ADARB2: variants seen among roughly 807,000 people sequenced by gnomAD.
ADARB2 encodes adenosine deaminase RNA specific B2 (inactive), also known as inactive double-stranded RNA-specific editase B2.
In ADARB2, 25 loss-of-function variants were observed where a neutral mutation model predicts 62.2. The ratio of observed to expected loss-of-function variants is 0.40; its 90% CI spans 0.29 to 0.56. The LOEUF is 0.56. Ranked by LOEUF, ADARB2 falls within the 20% of genes least tolerant of loss-of-function variation. ADARB2 has a pLI of 0.43. For missense variants in ADARB2, 1,071 were observed against 1,077.4 expected, an observed-to-expected ratio of 0.99 and a Z score of 0.08; for synonymous variants, 572 against 500.8, an observed-to-expected ratio of 1.14 and a Z score of -1.90.
At chr10:1,536,274 ACAGAAAGCG>A (rs1338050699) in intron 1 of ADARB2, among the ~76,000 whole-genome samples, 2 of 152,240 alleles carry the variant, frequency 1.3e-5, no homozygotes, top group African/African-American at 2.4e-5. Flanking sequence ...ACACGAGGAC[ACAGAAAGCG>A]CCATCTACAA....
chr10:1,400,286 G>A (rs530800230), intron 1 of ADARB2, among the ~76,000 whole-genome samples: 1 of 152,300 alleles, frequency 6.6e-6, no homozygotes, highest in African/African-American at 2.4e-5. Context: ...CCCTGAGTCC[G>A]AGTCCGGGCA....
intron 1 of ADARB2, among the ~76,000 whole-genome samples, chr10:1,414,930 G>GTGGA: frequency 6.6e-6 from 1 of 152,292 alleles, no homozygotes; most frequent in South Asian, 2.1e-4. Context: ...GGATAGATAG[G>GTGGA]TGGATGGATG....
intron 1 of ADARB2, among the ~76,000 whole-genome samples, chr10:1,714,959 G>A (rs1050500552): frequency 1.8e-4 from 28 of 151,896 alleles, no homozygotes; most frequent in African/African-American, 6.5e-4. Context: ...CCATTAACTG[G>A]TCATTTAGCA....
intron 1 of ADARB2, chr10:1,675,103 A>T: frequency 1.0e-6 from 1 of 981,136 alleles, no homozygotes; most frequent in Non-Finnish European, 1.2e-6. Flanking sequence ...GATGTTCTGG[A>T]GGTTTGGGTT....
At chr10:1,218,799 C>T (rs1360779900) in intron 6 of ADARB2, among the ~76,000 whole-genome samples, 3 of 151,926 alleles carry the variant, frequency 2.0e-5, no homozygotes, top group African/African-American at 2.4e-5. Flanking sequence ...AATCCCAGCA[C>T]TTTGGGAGGC....
intron 3 of ADARB2, among the ~76,000 whole-genome samples, chr10:1,344,502 A>T (rs1318684647): frequency 1.3e-5 from 2 of 152,236 alleles, no homozygotes; most frequent in Admixed American, 1.3e-4. Flanking sequence ...GTCACAAAGC[A>T]TAAATGGGCG....
intron 1 of ADARB2, among the ~76,000 whole-genome samples, chr10:1,605,535 T>TA (rs1833484559): frequency 6.6e-6 from 1 of 152,254 alleles, no homozygotes; most frequent in African/African-American, 2.4e-5. Context: ...CTTGCACTTA[T>TA]AATTCTACTT....
intron 3 of ADARB2, among the ~76,000 whole-genome samples, chr10:1,312,677 C>T (rs1037314605): frequency 2.0e-5 from 3 of 152,170 alleles, no homozygotes; most frequent in Non-Finnish European, 4.4e-5. Flanking sequence ...AGGAAAAAGA[C>T]GCAGGGAGGT....
intron 1 of ADARB2, among the ~76,000 whole-genome samples, chr10:1,564,447 AG>A (rs1832829863): frequency 6.6e-6 from 1 of 152,212 alleles, no homozygotes; most frequent in Admixed American, 6.5e-5. Flanking sequence ...GCACAGCAAA[AG>A]AAACTACCAT....
At position 1,637,104 on chromosome 10, in the gene ADARB2, A is replaced by G. The variant is rs114642807; in HGVS notation, c.100+99947T>C. On this transcript the variant is annotated intron_variant, in intron 1 of 9. Coordinates refer to ENST00000381312, the MANE Select transcript of ADARB2 (RefSeq NM_018702.4). ...CAGAATTAAAGGTGTCCGCAACACA[A>G]CAGATGTAGACACACTGAAGGAATA... Among the ~76,000 whole-genome samples, 1,374 of 152,268 alleles carry G rather than the reference A, an allele frequency of 9.0e-3. 8 individuals are homozygous for G. The highest frequency in any genetic ancestry group is 0.037 in the Middle Eastern group (11 of 294).
intron 7 of ADARB2, among the ~76,000 whole-genome samples, chr10:1,206,275 G>T (rs148145748): frequency 6.6e-6 from 1 of 152,280 alleles, no homozygotes; most frequent in Admixed American, 6.5e-5. Flanking sequence ...TCCTTAAGCC[G>T]GCTACCTGCG....
intron 3 of ADARB2, among the ~76,000 whole-genome samples, chr10:1,299,653 G>T (rs1258253643): frequency 8.5e-5 from 13 of 152,156 alleles, no homozygotes; most frequent in African/African-American, 3.1e-4. Context: ...TGCACGGCTT[G>T]GTGCAGCAGC....
In ADARB2 at chr10:1,369,108, T is replaced by A. The variant is rs959743939; in HGVS notation, c.188-5191A>T. Among the ~76,000 whole-genome samples, 5 of 152,270 alleles carry A rather than the reference T, an allele frequency of 3.3e-5. No individual in the cohort carries two copies. The East Asian group carries it at 5.8e-4, about 18-fold the overall frequency. Reference sequence around the variant, plus strand: ...TTTAACGCCGACTTTACAAATTAACTTTTTTTCCTTCCACACGGAAGGTAT... The same window carrying A: ...TTTAACGCCGACTTTACAAATTAACATTTTTTCCTTCCACACGGAAGGTAT... On this transcript the variant is annotated intron_variant, in intron 2 of 9. Transcript: ENST00000381312.
At chr10:1,481,901 CA>C (rs1453451255) in intron 1 of ADARB2, among the ~76,000 whole-genome samples, 1 of 149,220 alleles carries the variant, frequency 6.7e-6, no homozygotes, top group Non-Finnish European at 1.5e-5. Context: ...AAGTCAACAA[CA>C]CTTAACCCAT....
intron 1 of ADARB2, among the ~76,000 whole-genome samples, chr10:1,629,483 C>T (rs1406095170): frequency 4.0e-5 from 6 of 151,480 alleles, no homozygotes; most frequent in African/African-American, 1.5e-4. Flanking sequence ...CAACCCCGCC[C>T]TGCGCCCAAC....
At chr10:1,590,174 C>A (rs745715680) in intron 1 of ADARB2, among the ~76,000 whole-genome samples, 1 of 152,208 alleles carries the variant, frequency 6.6e-6, no homozygotes, top group Non-Finnish European at 1.5e-5. Flanking sequence ...TGGCGCTGAG[C>A]CTGCACAGGT....
At chr10:1,497,582 CTATT>C (rs1246482985) in intron 1 of ADARB2, among the ~76,000 whole-genome samples, 2 of 152,140 alleles carry the variant, frequency 1.3e-5, no homozygotes, top group Admixed American at 1.3e-4. Context: ...TGATTCAAAA[CTATT>C]TATAAATTAC....
At chr10:1,407,294 G>A (rs990991777) in intron 1 of ADARB2, among the ~76,000 whole-genome samples, 1 of 152,170 alleles carries the variant, frequency 6.6e-6, no homozygotes, top group Non-Finnish European at 1.5e-5. Flanking sequence ...CAGCTCCTGT[G>A]CTGTCCTCTG....
chr10:1,395,269 C>A (rs984152265), intron 1 of ADARB2, among the ~76,000 whole-genome samples: 1 of 152,184 alleles, frequency 6.6e-6, no homozygotes, highest in Admixed American at 6.5e-5. Flanking sequence ...CGTCTTGAAT[C>A]GAAGCCTAAT....
Sources: gnomAD v4.1 joint callset for allele counts (sites outside exome capture counted in the v4.1 genomes callset) on GRCh38, gnomAD v4.1.1 for gene constraint, MANE v1.5 for transcripts, NCBI Gene and HGNC (gene_info 2026-07-23, HGNC 2026-07-21) for gene names.